The following KLHL1 variants were observed in gnomAD, a reference collection of about 807,000 sequenced individuals.
KLHL1 encodes kelch like family member 1, also known as kelch-like protein 1.
Under a neutral mutation model 77.7 loss-of-function variants are expected in KLHL1, and 47 were observed. That is an observed-to-expected ratio of 0.60 (90% CI 0.48 to 0.77). KLHL1 has a LOEUF of 0.77. KLHL1 is among the 30% of genes least tolerant of loss of function. The pLI, the probability that KLHL1 is intolerant of heterozygous loss-of-function variation, is 0.00. For missense variants in KLHL1, 925 were observed against 910.8 expected, an observed-to-expected ratio of 1.02 and a Z score of -0.20; for synonymous variants, 360 against 325.2, an observed-to-expected ratio of 1.11 and a Z score of -1.15.
chr13:69,944,950 T>A lies in KLHL1; in HGVS notation c.818-4714A>T, dbSNP rs369987972. On this transcript the variant is annotated intron_variant, in intron 3 of 10. Transcript: ENST00000377844. The stretch of plus-strand genomic sequence containing the variant: ...ATTTACTCAAAATGGATCACGAAGC[T>A]AAATTCAAACATTAAACTATAAAAC... 1.5e-3 allele frequency among the ~76,000 whole-genome samples: 231 copies of A among 149,846 alleles called. 1 individual carries two copies. The highest frequency in any genetic ancestry group is 2.5e-3 in the Non-Finnish European group (171 of 67,436).
intron 1 of KLHL1, among the ~76,000 whole-genome samples, chr13:70,062,669 C>T (rs748669974): frequency 7.9e-5 from 12 of 151,980 alleles, no homozygotes; most frequent in Non-Finnish European, 1.8e-4. Context: ...GAGTAAATAT[C>T]GTACCTGTCC....
chr13:70,087,487 T>G (rs916462458), intron 1 of KLHL1, among the ~76,000 whole-genome samples: 16 of 151,528 alleles, frequency 1.1e-4, no homozygotes, highest in Non-Finnish European at 1.0e-4. Flanking sequence ...CACAAGGAGA[T>G]TCTCCAACTT....
intron 4 of KLHL1, among the ~76,000 whole-genome samples, chr13:69,884,709 T>A (rs2138198841): frequency 6.6e-6 from 1 of 152,250 alleles, no homozygotes; most frequent in Admixed American, 6.5e-5. Flanking sequence ...CTTTCAGGTT[T>A]TAGTAGCAAG....
At chr13:69,793,943 A>G (rs1484371116) in intron 7 of KLHL1, among the ~76,000 whole-genome samples, 1 of 152,148 alleles carries the variant, frequency 6.6e-6, no homozygotes, top group East Asian at 1.9e-4. Flanking sequence ...GAGTTACTGC[A>G]TGTTTCCTAT....
At chr13:69,791,274 G>A (rs534009383) in intron 7 of KLHL1, among the ~76,000 whole-genome samples, 4 of 151,770 alleles carry the variant, frequency 2.6e-5, no homozygotes, top group South Asian at 2.1e-4. Flanking sequence ...AGCAAAATAG[G>A]TACAAGACTA....
chr13:69,825,700 T>C (rs1014424844), intron 6 of KLHL1, among the ~76,000 whole-genome samples: 2 of 152,148 alleles, frequency 1.3e-5, no homozygotes, highest in Admixed American at 1.3e-4. Flanking sequence ...AAGAAGCACA[T>C]GTTTTATCCC....
intron 1 of KLHL1, among the ~76,000 whole-genome samples, chr13:70,010,908 T>C (rs1885518997): frequency 9.7e-6 from 1 of 103,212 alleles, no homozygotes; most frequent in African/African-American, 3.8e-5. Context: ...AAAATAATAA[T>C]AATAATAAAA....
At position 70,046,612 on chromosome 13, in the gene KLHL1, C is replaced by T. The variant is rs141897565; in HGVS notation, c.497+60591G>A. Among the ~76,000 whole-genome samples, 1,422 of 152,278 alleles carry T rather than the reference C, an allele frequency of 9.3e-3. 34 individuals carry two copies. Among genetic ancestry groups the T allele is most frequent in the African/African-American group, 0.029 (1,201 of 41,556 alleles). On this transcript the variant is annotated intron_variant, in intron 1 of 10. Transcript: ENST00000377844. ...AAGCGATTCGCGTGCTTCAGCTTCC[C>T]TAGTAGCTGGGATTACAGGAGTGCA...
At chr13:69,922,335 G>A (rs986001621) in intron 4 of KLHL1, among the ~76,000 whole-genome samples, 2 of 152,202 alleles carry the variant, frequency 1.3e-5, no homozygotes, top group Non-Finnish European at 1.5e-5. Context: ...AGAGAATAAC[G>A]TGTAAGGACA....
chr13:69,746,414 C>A (rs996248139), intron 7 of KLHL1, among the ~76,000 whole-genome samples: 2 of 151,792 alleles, frequency 1.3e-5, no homozygotes, highest in Non-Finnish European at 2.9e-5. Context: ...GCTCTAAAGT[C>A]TAATTAATTT....
chr13:70,100,918 T>G (rs1288040757), intron 1 of KLHL1, among the ~76,000 whole-genome samples: 6 of 152,140 alleles, frequency 3.9e-5, no homozygotes, highest in African/African-American at 1.4e-4. Context: ...ATGCTGCCCG[T>G]TTTTATGCTC....
In KLHL1 at chr13:70,107,683, C is replaced by T. The variant is rs754998896; in HGVS notation, c.17G>A (p.Arg6Gln). MSGSGRKDFDVKHILR... is the reference protein window; with the variant it reads MSGSGQKDFDVKHILR... Reference sequence around the variant, plus strand: ...AATGTGCTTCACATCGAAGTCTTTTCGCCCAGAGCCTGACATGCTTTACGC... The same window carrying T: ...AATGTGCTTCACATCGAAGTCTTTTTGCCCAGAGCCTGACATGCTTTACGC... Residue 6 changes from arginine (R) to glutamine (Q), a missense_variant, in exon 1 of 11, where the codon CGA (arginine) becomes CAA (glutamine). Coordinates refer to ENST00000377844, the MANE Select transcript of KLHL1 (RefSeq NM_020866.3). 9 of 1,528,752 alleles carry T rather than the reference C, an allele frequency of 5.9e-6. No homozygotes were observed. The highest frequency in any genetic ancestry group is 4.5e-5 in the East Asian group (2 of 44,270). The allele number at this position is 1,528,752 out of a possible 1,614,324, so 94.7% of individuals were successfully genotyped here. A position where few individuals can be genotyped will look rare whatever the true frequency, so the allele number is the denominator to read the frequency against.
chr13:69,729,160 G>T (rs1048382881), intron 8 of KLHL1, among the ~76,000 whole-genome samples: 1 of 152,104 alleles, frequency 6.6e-6, no homozygotes, highest in South Asian at 2.1e-4. Context: ...ACCACACATC[G>T]ACGTTTATTC....
chr13:70,032,308 G>C (rs1886123035), intron 1 of KLHL1, among the ~76,000 whole-genome samples: 1 of 152,142 alleles, frequency 6.6e-6, no homozygotes, highest in Non-Finnish European at 1.5e-5. Flanking sequence ...GATAGGAGAA[G>C]TGTTCTTCCT....
chr13:69,734,807 CTATA>C (rs1405829824), intron 8 of KLHL1, among the ~76,000 whole-genome samples: 1 of 152,038 alleles, frequency 6.6e-6, no homozygotes, highest in African/African-American at 2.4e-5. Context: ...ATTAAAGGTA[CTATA>C]TATAATAGTG....
At chr13:69,757,708 T>G (rs1388140477) in intron 7 of KLHL1, among the ~76,000 whole-genome samples, 1 of 152,106 alleles carries the variant, frequency 6.6e-6, no homozygotes, top group African/African-American at 2.4e-5. Flanking sequence ...TCCCAGCACT[T>G]TGGGAGGCCG....
intron 9 of KLHL1, among the ~76,000 whole-genome samples, chr13:69,712,108 A>G (rs1357312011): frequency 1.3e-5 from 2 of 152,084 alleles, no homozygotes; most frequent in African/African-American, 4.8e-5. Context: ...TATTGGAAAC[A>G]ACACTTTTGT....
intron 1 of KLHL1, among the ~76,000 whole-genome samples, chr13:70,037,852 T>A (rs951798354): frequency 1.6e-4 from 24 of 152,150 alleles, no homozygotes; most frequent in Non-Finnish European, 2.9e-4. Flanking sequence ...CCAATATGTG[T>A]AGTATTTTTT....
intron 7 of KLHL1, among the ~76,000 whole-genome samples, chr13:69,771,790 A>C (rs1430232905): frequency 6.6e-6 from 1 of 152,146 alleles, no homozygotes; most frequent in East Asian, 1.9e-4. Flanking sequence ...AATGACGATA[A>C]TGGTGTAATA....
Sources: gnomAD v4.1 joint callset for allele counts (sites outside exome capture counted in the v4.1 genomes callset) on GRCh38, gnomAD v4.1.1 for gene constraint, MANE v1.5 for transcripts, NCBI Gene and HGNC (gene_info 2026-07-23, HGNC 2026-07-21) for gene names.